The following LAMB2 variants were observed in gnomAD, a reference collection of about 807,000 sequenced individuals.
The protein encoded by LAMB2 is laminin subunit beta-2.
Under a neutral mutation model 202.7 loss-of-function variants are expected in LAMB2, and 119 were observed. The observed-to-expected ratio is 0.59, with a 90% CI of 0.51 to 0.68. LAMB2 has a LOEUF of 0.68. Ranked by LOEUF, LAMB2 falls within the 30% of genes least tolerant of loss-of-function variation. LAMB2 has a pLI of 0.00. For missense variants in LAMB2, 2,124 were observed against 2,410.6 expected, an observed-to-expected ratio of 0.88 and a Z score of 2.49; for synonymous variants, 818 against 902.2, an observed-to-expected ratio of 0.91 and a Z score of 1.67.
In LAMB2 at chr3:49,130,712, G is replaced by C; in HGVS notation, c.1036+28C>G. On this transcript the variant is annotated intron_variant, in intron 8 of 31. Transcript: ENST00000305544. This position sits in a 1 kb window ranked among gnomAD's most constrained non-coding sequence, Gnocchi z 5.0. ...GGCACAGCCAGGCTGCAGAGTGCTG[G>C]AGCTATGGAGGCCAAGATCTCACTC... 1 of 1,613,018 alleles carries C rather than the reference G, an allele frequency of 6.2e-7. No individual in the cohort carries two copies. The highest frequency in any genetic ancestry group is 8.5e-7 in the Non-Finnish European group (1 of 1,179,944).
rs1426098999 is a variant in LAMB2, at chr3:49,132,164, CAGCTGGATGGT to C, written c.400_410del (p.Thr134GlyfsTer5). The C allele has an allele frequency of 6.2e-7, 1 of 1,614,148 alleles. No individual in the cohort carries two copies. On this transcript the variant is annotated frameshift_variant, in exon 4 of 32. Transcript: ENST00000305544. LOFTEE classifies it high-confidence loss of function. The surrounding 1 kb of genome is among the most constrained non-coding windows in gnomAD (Gnocchi z 4.6). ...TGAAATGAAACTCAGCCTCCAGGTC[CAGCTGGATGGT>C]GACCGCAGGGATACCTGGGACAGGA...
At position 49,132,260 on chromosome 3, in the gene LAMB2, A is replaced by G. The variant is rs1409029078; in HGVS notation, c.385+10T>C. The G allele has an allele frequency of 6.2e-7, 1 of 1,614,192 alleles. No individual in the cohort carries two copies. The highest frequency in any genetic ancestry group is 2.2e-5 in the East Asian group (1 of 44,884). On this transcript the variant is annotated intron_variant, in intron 3 of 31. Transcript: ENST00000305544. The surrounding 1 kb of genome is among the most constrained non-coding windows in gnomAD (Gnocchi z 4.6). ...AGCCCTGCTCACTTTTGCCCCACCC[A>G]TGGCCTCACCATTCTCTGACTGCCA... is the stretch of plus-strand genomic sequence containing the variant.
At chr3:49,128,018 C>CAAAAAAAAAAAA (rs1156873652) in intron 15 of LAMB2, among the ~76,000 whole-genome samples, 1 of 32,862 alleles carries the variant, frequency 3.0e-5, no homozygotes, top group Non-Finnish European at 5.9e-5. Context: ...GACTCCGTCT[C>CAAAAAAAAAAAA]AAAAAAAAAA....
chr3:49,122,737 C>A lies in LAMB2; in HGVS notation c.4540G>T (p.Glu1514Ter). 3.7e-6 allele frequency: 6 copies of A among 1,614,180 alleles called. No individual in the cohort carries two copies. The highest frequency in any genetic ancestry group is 5.1e-6 in the Non-Finnish European group (6 of 1,180,024). ...AAGTCCTTCACACTCTGGATAAGTTCTTGAAGTTCCTGGTTGGCCTGTTCC... is the reference window on the plus strand; with the variant it reads ...AAGTCCTTCACACTCTGGATAAGTTATTGAAGTTCCTGGTTGGCCTGTTCC... ...QVEQANQELQ[E>*]LIQSVKDFLN... Residue 1514 changes from glutamate to a stop codon, truncating the protein, a stop_gained, in exon 27 of 32, where the codon GAA (glutamate) becomes TAA (stop). Transcript: ENST00000305544. LOFTEE classifies it high-confidence loss of function.
In LAMB2 at chr3:49,123,349, G is replaced by C. The variant is rs886058672; in HGVS notation, c.4007C>G (p.Ala1336Gly). ...TTCTGCCTCTGCAGACTGGCTATGG[G>C]CATGCCGGATGCTGTCATAGGCACC... Reference protein sequence around the residue: ...FLGAYDSIRHAHSQSAEAERR... With the variant: ...FLGAYDSIRHGHSQSAEAERR... The change falls in exon 26 of 32, where the codon GCC (alanine) becomes GGC (glycine). Residue 1336 changes from alanine (A) to glycine (G), a missense_variant. This residue lies in a region of LAMB2 where 1,702 missense variants were observed against 1,896.3 expected (regional missense o/e 0.90). Transcript: ENST00000305544. 6.2e-7 allele frequency: 1 copy of C among 1,614,040 alleles called. No individual in the cohort carries two copies. Among genetic ancestry groups the C allele is most frequent in the Non-Finnish European group, 8.5e-7 (1 of 1,180,012 alleles).
At position 49,123,158 on chromosome 3, in the gene LAMB2, G is replaced by T. The variant is rs1268005995; in HGVS notation, c.4198C>A (p.Leu1400Met). 12 of 1,613,494 alleles carry T rather than the reference G, an allele frequency of 7.4e-6. No individual in the cohort carries two copies. Among genetic ancestry groups the T allele is most frequent in the Non-Finnish European group, 1.0e-5 (12 of 1,180,024 alleles). ...LGKLSAHTHT[L>M]SLTDINELVC... ...AGCTCATTTATGTCTGTCAGGCTCA[G>T]GGTGTGGGTATGGGCAGAGAGCTTG... Residue 1400 changes from leucine (L) to methionine (M), a missense_variant, in exon 26 of 32, where the codon CTG (leucine) becomes ATG (methionine). Physicochemically the swap from Leu to Met is conservative, Grantham distance 15. Transcript: ENST00000305544.
In LAMB2 at chr3:49,129,271, G is replaced by A. The variant is rs111883392; in HGVS notation, c.1572C>T (p.Cys524=). ...HDLLGCRPCD[C]DVGGALDPQC... is the part of the protein sequence containing the mutation. Reference sequence around the variant, plus strand: ...GGGGATCCAAAGCACCACCCACGTCGCAGTCACAGGGGCGGCAGCCGAGCA... The same window carrying A: ...GGGGATCCAAAGCACCACCCACGTCACAGTCACAGGGGCGGCAGCCGAGCA... Residue 524 remains cysteine, a synonymous_variant, in exon 12 of 32, where the codon TGC becomes TGT. Transcript: ENST00000305544. The surrounding 1 kb of genome is among the most constrained non-coding windows in gnomAD (Gnocchi z 6.1). The A allele has an allele frequency of 5.0e-5, 80 of 1,613,798 alleles. 1 individual carries two copies. The Middle Eastern group carries it at 5.0e-4, about 10-fold the overall frequency.
At position 49,121,203 on chromosome 3, in the gene LAMB2, C is replaced by A. The variant is rs2045213252; in HGVS notation, c.*23G>T. On this transcript the variant is annotated 3_prime_UTR_variant, in exon 32 of 32. Coordinates refer to ENST00000305544, the MANE Select transcript of LAMB2 (RefSeq NM_002292.4). The stretch of plus-strand genomic sequence containing the variant: ...CATGCATGTGGGGCAGTGCTAGGAA[C>A]TGGGGTAGGCCTTGGGCAGGGGTCA... The A allele has an allele frequency of 6.2e-7, 1 of 1,611,864 alleles. No homozygotes were observed. The highest frequency in any genetic ancestry group is 1.3e-5 in the African/African-American group (1 of 74,876).
At position 49,121,972 on chromosome 3, in the gene LAMB2, G is replaced by GT; in HGVS notation, c.4894dup (p.Thr1632AsnfsTer27). On this transcript the variant is annotated frameshift_variant, in exon 29 of 32. Transcript: ENST00000305544. LOFTEE classifies it high-confidence loss of function. Reference sequence around the variant, plus strand: ...GTACAGGGTCTGCTCTGTGTCCCGTGTGTCAGCCACTGCCCCCCGGATGGC... The same window carrying GT: ...GTACAGGGTCTGCTCTGTGTCCCGTGTTGTCAGCCACTGCCCCCCGGATGGC... 6.2e-7 allele frequency: 1 copy of GT among 1,613,966 alleles called. No individual in the cohort carries two copies. Among genetic ancestry groups the GT allele is most frequent in the Non-Finnish European group, 8.5e-7 (1 of 1,180,036 alleles).
chr3:49,124,151 G>T (rs1265412648), intron 23 of LAMB2, 39 bp downstream of exon 23: 1 of 1,614,134 alleles, frequency 6.2e-7, no homozygotes, highest in Non-Finnish European at 8.5e-7. Context: ...GGCATTCTGG[G>T]AAGTCCTCCA....
rs1243974225 is a variant in LAMB2 at position 49,122,769 on chromosome 3, C to T, written c.4508G>A (p.Gly1503Glu). ...TTCCTGGTTGGCCTGTTCCACCTGT[C>T]CCCTGGAAGCATTAGCCTTGTCCAG... Reference protein sequence around the residue: ...AALDKANASRGQVEQANQELQ... With the variant: ...AALDKANASREQVEQANQELQ... Residue 1503 changes from glycine to glutamate, a missense_variant, in exon 27 of 32, where the codon GGA becomes GAA. Physicochemically the swap from Gly to Glu is moderately conservative, Grantham distance 98. Coordinates refer to ENST00000305544, the MANE Select transcript of LAMB2 (RefSeq NM_002292.4). 7 of 1,613,980 alleles carry T rather than the reference C, an allele frequency of 4.3e-6. No individual in the cohort carries two copies. In the African/African-American group the frequency reaches 9.3e-5, roughly 22 times the overall value.
At chr3:49,123,075 G>A (rs1294525508) in intron 26 of LAMB2, 23 bp from the exon 27 acceptor site, 3 of 1,606,656 alleles carry the variant, frequency 1.9e-6, no homozygotes, top group Non-Finnish European at 2.5e-6. Context: ...GAACAAGTCA[G>A]GGCCCTGTGA....
Position 49,125,101 on chromosome 3 carries a change from G to A in LAMB2, c.2789C>T (p.Pro930Leu). 6.2e-7 allele frequency: 1 copy of A among 1,613,852 alleles called. No individual in the cohort carries two copies. The highest frequency in any genetic ancestry group is 8.5e-7 in the Non-Finnish European group (1 of 1,180,028). The change falls in exon 20 of 32, where the codon CCT becomes CTT. Residue 930 changes from proline (P) to leucine (L), a missense_variant. Physicochemically the swap from Pro to Leu is moderately conservative, Grantham distance 98. Transcript: ENST00000305544. The stretch of plus-strand genomic sequence containing the variant: ...GTGCCGTTGGCTCCCAGGGCCTTCA[G>A]GACAGGGACAGGGCCGGCACTGGCC... ...YGGQCRPCPC[P>L]EGPGSQRHFA...
rs145169275 is a variant in LAMB2 at position 49,122,083 on chromosome 3, C to T, written c.4784G>A (p.Ser1595Asn). 2 of 1,613,436 alleles carry T rather than the reference C, an allele frequency of 1.2e-6. No individual in the cohort carries two copies. Among genetic ancestry groups the T allele is most frequent in the Non-Finnish European group, 1.7e-6 (2 of 1,180,038 alleles). ...QLLQDARRARSWAEDEKQKAE... is the reference protein window; with the variant it reads ...QLLQDARRARNWAEDEKQKAE... ...CTTCTGTTTCTCATCCTCAGCCCAG[C>T]TCCTGGGGAGAAGGGGGAATCAGAA... Residue 1595 changes from serine to asparagine, a missense_variant and splice_region_variant, in exon 29 of 32, where the codon AGC becomes AAC. Physicochemically the swap from Ser to Asn is conservative, Grantham distance 46. Transcript: ENST00000305544.
At chr3:49,125,207 G>T in intron 19 of LAMB2, 38 bp from the exon 20 acceptor site, 1 of 1,613,570 alleles carries the variant, frequency 6.2e-7, no homozygotes, top group Non-Finnish European at 8.5e-7. Flanking sequence ...TCATCCCTGG[G>T]AAGCCTGCCC....
chr3:49,124,636 G>C (rs775933132), intron 21 of LAMB2, 24 bp from the exon 22 acceptor site: 24 of 1,613,656 alleles, frequency 1.5e-5, no homozygotes, highest in Non-Finnish European at 2.0e-5. Flanking sequence ...GATGAGCACA[G>C]TAGTCAAGAG....
chr3:49,129,039 G>A lies in LAMB2; in HGVS notation c.1712C>T (p.Ala571Val), dbSNP rs752658063. The A allele has an allele frequency of 4.7e-5, 75 of 1,610,992 alleles. No individual in the cohort carries two copies. Among genetic ancestry groups the A allele is most frequent in the Non-Finnish European group, 6.2e-5 (73 of 1,180,018 alleles). ...CCACACCTGCCCTCGGGTGTCCTCA[G>A]CCTCCCAAATTAGGTGGTCCAGGAA... is the stretch of plus-strand genomic sequence containing the variant. ...RPFLDHLIWE[A>V]EDTRGQVLDV... The change falls in exon 13 of 32, where the codon GCT (alanine) becomes GTT (valine). Residue 571 changes from alanine (A) to valine (V), a missense_variant. By Grantham distance (64) the Ala-to-Val change is moderately conservative. Around this residue, in one of 3 missense-constraint regions of LAMB2, gnomAD observed 1,702 missense variants for 1,896.3 expected, o/e 0.90. Coordinates refer to ENST00000305544, the MANE Select transcript of LAMB2 (RefSeq NM_002292.4). The surrounding 1 kb of genome is among the most constrained non-coding windows in gnomAD (Gnocchi z 6.1).
intron 15 of LAMB2, among the ~76,000 whole-genome samples, chr3:49,127,466 A>C (rs1437961661): frequency 6.6e-6 from 1 of 151,752 alleles, no homozygotes; most frequent in East Asian, 1.9e-4. Context: ...GAGGCCGAGA[A>C]AGGTGGATCA....
Position 49,132,213 on chromosome 3 carries a change from G to C in LAMB2, c.386-24C>G, listed in dbSNP as rs540665108. On this transcript the variant is annotated intron_variant, in intron 3 of 31. Coordinates refer to ENST00000305544, the MANE Select transcript of LAMB2 (RefSeq NM_002292.4). The surrounding 1 kb of genome is among the most constrained non-coding windows in gnomAD (Gnocchi z 4.6). ...ACCTGGGACAGGAATCGGAAGTCAAGGACTCAAAGCTACTGGTGGGCAGCC... is the reference window on the plus strand; with the variant it reads ...ACCTGGGACAGGAATCGGAAGTCAACGACTCAAAGCTACTGGTGGGCAGCC... 3 of 1,614,120 alleles carry C rather than the reference G, an allele frequency of 1.9e-6. No individual in the cohort carries two copies. Among genetic ancestry groups the C allele is most frequent in the Admixed American group, 3.3e-5 (2 of 60,030 alleles).
Sources: allele counts gnomAD v4.1 joint callset (sites outside exome capture counted in the v4.1 genomes callset), GRCh38; gene constraint gnomAD v4.1.1; regional missense constraint gnomAD v4.1.1; non-coding constraint Gnocchi (gnomAD v3.1); transcripts MANE v1.5; gene names NCBI Gene and HGNC (gene_info 2026-07-23, HGNC 2026-07-21).